Variants in LRRC39 observed in about 807,000 individuals in gnomAD.
LRRC39 encodes the protein leucine-rich repeat-containing protein 39.
LRRC39 carries 35 observed loss-of-function variants against 39.7 expected under a neutral mutation model. The ratio of observed to expected loss-of-function variants is 0.88; its 90% CI spans 0.67 to 1.17. The LOEUF is 1.17. LRRC39 is among the 50% of genes most tolerant of loss of function. The pLI, the probability that LRRC39 is intolerant of heterozygous loss-of-function variation, is 0.00. For synonymous variants in LRRC39, 113 were observed against 134.1 expected, an observed-to-expected ratio of 0.84 and a Z score of 1.09; for missense variants, 357 against 385.8, an observed-to-expected ratio of 0.93 and a Z score of 0.62.
Position 100,168,463 on chromosome 1 carries a change from C to G in LRRC39, c.54G>C (p.Trp18Cys). ...TGAVNAVKEVWEKRIKKLNED... is the reference protein window; with the variant it reads ...TGAVNAVKEVCEKRIKKLNED... ...CATTGAGTTTCTTTATTCTTTTTTC[C>G]CAAACTTCCTTTACAGCATTGACAG... Residue 18 changes from tryptophan to cysteine, a missense_variant, in exon 3 of 10, where the codon TGG (tryptophan) becomes TGC (cysteine). Physicochemically the swap from Trp to Cys is radical, Grantham distance 215 (BLOSUM62 -2). Coordinates refer to ENST00000370137, the MANE Select transcript of LRRC39 (RefSeq NM_144620.4). 6.2e-7 allele frequency: 1 copy of G among 1,611,604 alleles called. No individual in the cohort carries two copies. Among genetic ancestry groups the G allele is most frequent in the Non-Finnish European group, 8.5e-7 (1 of 1,179,288 alleles).
chr1:100,152,566 GA>G, intron 8 of LRRC39, 42 bp from the exon 9 acceptor site: 2 of 1,592,982 alleles, frequency 1.3e-6, no homozygotes, highest in Non-Finnish European at 1.7e-6. Context: ...AGGTGTCATG[GA>G]AGTGTACATT....
chr1:100,175,563 A>C (rs1021382167), intron 1 of LRRC39, among the ~76,000 whole-genome samples: 1 of 152,156 alleles, frequency 6.6e-6, no homozygotes, highest in Non-Finnish European at 1.5e-5. Flanking sequence ...TTAAGAACCT[A>C]TTGAAAGACA....
rs566199847 is a variant in LRRC39, at chr1:100,149,497, A to C, written c.953-400T>G. On this transcript the variant is annotated intron_variant, in intron 9 of 9. Transcript: ENST00000370137. ...TTTTGTTGGATAATTGTCTAGTTAGAACTTCCAAAAAGATACTTACAAACA... is the reference window on the plus strand; with the variant it reads ...TTTTGTTGGATAATTGTCTAGTTAGCACTTCCAAAAAGATACTTACAAACA... 109 of 1,441,672 alleles carry C rather than the reference A, an allele frequency of 7.6e-5. No individual in the cohort carries two copies. In the East Asian group the frequency reaches 2.1e-3, roughly 28 times the overall value. 89.3% of individuals were successfully genotyped at this position (1,441,672 alleles called of 1,614,324 possible).
At position 100,156,083 on chromosome 1, in the gene LRRC39, A is replaced by G. The variant is rs937763871; in HGVS notation, c.659+89T>C. 7.2e-6 allele frequency: 9 copies of G among 1,256,496 alleles called. No homozygotes were observed. The South Asian group carries it at 8.9e-5, about 12-fold the overall frequency. 77.8% of individuals were successfully genotyped at this position (1,256,496 alleles called of 1,614,324 possible). The stretch of plus-strand genomic sequence containing the variant: ...CTAGTTGGACCTATTGTGATTGATT[A>G]TGCTTGAGATCCCATTTGTCTTGCT... On this transcript the variant is annotated intron_variant, in intron 7 of 9. Coordinates refer to ENST00000370137, the MANE Select transcript of LRRC39 (RefSeq NM_144620.4).
chr1:100,154,102 A>T (rs1216279648), intron 8 of LRRC39, among the ~76,000 whole-genome samples: 1 of 152,056 alleles, frequency 6.6e-6, no homozygotes, highest in Non-Finnish European at 1.5e-5. Flanking sequence ...TTATTAAAAT[A>T]ATGCTATGGG....
At chr1:100,154,168 A>G (rs1310808776) in intron 8 of LRRC39, among the ~76,000 whole-genome samples, 1 of 152,140 alleles carries the variant, frequency 6.6e-6, no homozygotes, top group Non-Finnish European at 1.5e-5. Context: ...TAAAATCCCA[A>G]CTAAAACCCA....
chr1:100,175,891 G>C (rs1327695573), intron 1 of LRRC39, among the ~76,000 whole-genome samples: 1 of 152,124 alleles, frequency 6.6e-6, no homozygotes, highest in Non-Finnish European at 1.5e-5. Flanking sequence ...ACCAAGTGTT[G>C]GTGAGAATTT....
intron 3 of LRRC39, 62 bp from the exon 4 acceptor site, chr1:100,160,633 T>G: frequency 7.1e-7 from 1 of 1,415,388 alleles, no homozygotes. Flanking sequence ...TCACTTTTTT[T>G]TTTTTTTGAG....
At position 100,174,014 on chromosome 1, in the gene LRRC39, T is replaced by C. The variant is rs929704284; in HGVS notation, c.-118-644A>G. ...TGTAAAAATGTCAATTATCCCCACA[T>C]TGAACTATAATCAATCTCAATACAA... On this transcript the variant is annotated intron_variant, in intron 1 of 9. Transcript: ENST00000370137. Among the ~76,000 whole-genome samples, 7 of 152,286 alleles carry C rather than the reference T, an allele frequency of 4.6e-5. No individual in the cohort carries two copies. The South Asian group carries it at 1.5e-3, about 32-fold the overall frequency.
In LRRC39 at chr1:100,150,832, A is replaced by C. The variant is rs1398607772; in HGVS notation, c.952+1553T>G. Among the ~76,000 whole-genome samples the C allele has an allele frequency of 3.3e-5, 5 of 152,232 alleles. No individual in the cohort carries two copies. In the East Asian group the frequency reaches 9.7e-4, roughly 29 times the overall value. On this transcript the variant is annotated intron_variant, in intron 9 of 9. Coordinates refer to ENST00000370137, the MANE Select transcript of LRRC39 (RefSeq NM_144620.4). ...ACTTGCATGTTCCACAGGTGCATCA[A>C]ATTTACTGCTAAGGGCCAGGTGTGG...
chr1:100,157,495 C>T (rs1439908406), intron 6 of LRRC39, among the ~76,000 whole-genome samples: 1 of 152,106 alleles, frequency 6.6e-6, no homozygotes. Flanking sequence ...TCAGAACAGA[C>T]TAATACACAA....
intron 9 of LRRC39, chr1:100,150,296 C>T (rs1177145074): frequency 6.6e-6 from 1 of 151,966 alleles, no homozygotes; most frequent in Admixed American, 6.6e-5. Flanking sequence ...ACTTTTTTCC[C>T]TTGTTATAAG....
chr1:100,157,670 T>C (rs1288281726), intron 6 of LRRC39, among the ~76,000 whole-genome samples: 1 of 152,232 alleles, frequency 6.6e-6, no homozygotes, highest in Non-Finnish European at 1.5e-5. Flanking sequence ...GCCTATTTTA[T>C]TATTTTTCTT....
chr1:100,178,586 A>G (rs1399141142), upstream of LRRC39, among the ~76,000 whole-genome samples: 1 of 152,188 alleles, frequency 6.6e-6, no homozygotes, highest in Non-Finnish European at 1.5e-5. Flanking sequence ...TTTGAACTAA[A>G]GACCCAGATG....
In LRRC39 at chr1:100,148,996, A is replaced by T. The variant is rs754813885; in HGVS notation, c.*46T>A. On this transcript the variant is annotated 3_prime_UTR_variant, in exon 10 of 10. Coordinates refer to ENST00000370137, the MANE Select transcript of LRRC39 (RefSeq NM_144620.4). ...TTTACTTCAGAAATCCAAACATTAG[A>T]GAATTCACCAAAGTAATCCTCTTTA... 3.4e-6 allele frequency: 5 copies of T among 1,465,156 alleles called. No individual in the cohort carries two copies. In the Admixed American group the frequency reaches 1.2e-4, roughly 36 times the overall value. 90.8% of individuals were successfully genotyped at this position (1,465,156 alleles called of 1,614,324 possible).
chr1:100,154,328 A>G (rs774709072), intron 8 of LRRC39, among the ~76,000 whole-genome samples: 1 of 152,218 alleles, frequency 6.6e-6, no homozygotes, highest in Non-Finnish European at 1.5e-5. Flanking sequence ...AAGAAAAAAA[A>G]TTCCTTTTGA....
At chr1:100,155,236 T>A (rs984463139) in intron 7 of LRRC39, 33 bp from the exon 8 acceptor site, 7 of 1,499,540 alleles carry the variant, frequency 4.7e-6, no homozygotes, top group Non-Finnish European at 6.3e-6. Context: ...ATTAATTACA[T>A]ATAATATGAA....
At chr1:100,159,613 T>C (rs1369648475) in intron 4 of LRRC39, among the ~76,000 whole-genome samples, 198 bp from the exon 5 acceptor site, 3 of 144,686 alleles carry the variant, frequency 2.1e-5, no homozygotes, top group Non-Finnish European at 4.5e-5. Context: ...TTCCTTTTTT[T>C]TTTTTTTTTT....
In LRRC39 at chr1:100,175,618, G is replaced by A. The variant is rs113305650; in HGVS notation, c.-118-2248C>T. The stretch of plus-strand genomic sequence containing the variant: ...AATACCATGTACATTAGTGGGGGAA[G>A]ATATTGGCAATATATATAACCACCA... On this transcript the variant is annotated intron_variant, in intron 1 of 9. Transcript: ENST00000370137. 6.1e-4 allele frequency among the ~76,000 whole-genome samples: 93 copies of A among 152,204 alleles called. 1 individual carries two copies. Among genetic ancestry groups the A allele is most frequent in the Middle Eastern group, 3.4e-3 (1 of 294 alleles).
Sources: gnomAD v4.1 joint callset for allele counts (sites outside exome capture counted in the v4.1 genomes callset) on GRCh38, gnomAD v4.1.1 for gene constraint, MANE v1.5 for transcripts, NCBI Gene and HGNC (gene_info 2026-07-23, HGNC 2026-07-21) for gene names.